The following ZDHHC1 variants were observed in gnomAD, a reference collection of about 807,000 sequenced individuals.
ZDHHC1 encodes palmitoyltransferase ZDHHC1.
Under a neutral mutation model 46.9 loss-of-function variants are expected in ZDHHC1, and 45 were observed. The ratio of observed to expected loss-of-function variants is 0.96; its 90% CI spans 0.76 to 1.23. The LOEUF (loss-of-function observed/expected upper bound fraction) is 1.23, where lower values mean the gene tolerates loss of function less well. Among genes scored for constraint, ZDHHC1 ranks in the 50% most tolerant of loss-of-function variants. The pLI, the probability that ZDHHC1 is intolerant of heterozygous loss-of-function variation, is 0.00. For missense variants in ZDHHC1, 649 were observed against 670.8 expected (o/e 0.97, Z 0.36); for synonymous variants, 291 against 286.0 (o/e 1.02, Z -0.18).
chr16:67,412,839 T>G (rs1478113079), intron 1 of ZDHHC1, among the ~76,000 whole-genome samples: 1 of 152,130 alleles, frequency 6.6e-6, no homozygotes, highest in African/African-American at 2.4e-5. Flanking sequence ...TCACTCTTGT[T>G]GCTCAGGCTG....
intron 1 of ZDHHC1, among the ~76,000 whole-genome samples, chr16:67,411,466 T>G (rs1344954685): frequency 6.6e-6 from 1 of 152,170 alleles, no homozygotes; most frequent in Non-Finnish European, 1.5e-5. Context: ...ATTTCACAGA[T>G]CCACTTCTTT....
At position 67,394,818 on chromosome 16, in the gene ZDHHC1, G is replaced by A. The variant is rs1453965128; in HGVS notation, c.1241C>T (p.Pro414Leu). The change falls in exon 12 of 12, where the codon CCT becomes CTT. Residue 414 changes from proline (P) to leucine (L), a missense_variant. Transcript: ENST00000565726. ...CGACGCCGAGTGGTAGGCGCCGGCA[G>A]GGCCAGCGGCGTGCACAGGGCTGGC... is the stretch of plus-strand genomic sequence containing the variant. ...ADASPVHAAG[P>L]AGAYHSASAE... 1.7e-5 allele frequency: 26 copies of A among 1,543,422 alleles called. No individual in the cohort carries two copies. The Middle Eastern group carries it at 7.3e-4, about 44-fold the overall frequency.
chr16:67,410,780 C>G (rs1375374361), intron 1 of ZDHHC1, among the ~76,000 whole-genome samples: 3 of 152,010 alleles, frequency 2.0e-5, no homozygotes, highest in African/African-American at 7.2e-5. Flanking sequence ...ATTCTCCTGC[C>G]TCAGCCTCCC....
intron 1 of ZDHHC1, among the ~76,000 whole-genome samples, chr16:67,412,262 T>C (rs931835046): frequency 6.6e-6 from 1 of 152,132 alleles, no homozygotes; most frequent in Non-Finnish European, 1.5e-5. Context: ...AGACAGAAAT[T>C]GCATTTCCTG....
chr16:67,395,463 A>G, intron 9 of ZDHHC1, 21 bp downstream of exon 9: 1 of 1,551,252 alleles, frequency 6.4e-7, no homozygotes, highest in South Asian at 1.2e-5. Context: ...GCCCAGTGGC[A>G]CATGCCCAGG....
At chr16:67,409,122 G>C (rs1319849608) in intron 1 of ZDHHC1, among the ~76,000 whole-genome samples, 3 of 152,104 alleles carry the variant, frequency 2.0e-5, no homozygotes, top group Non-Finnish European at 2.9e-5. Context: ...GGCACCCCCA[G>C]AGCTGCTGTA....
chr16:67,397,500 C>T (rs572514680), intron 8 of ZDHHC1, among the ~76,000 whole-genome samples: 41 of 152,298 alleles, frequency 2.7e-4, no homozygotes, highest in Middle Eastern at 3.4e-3. Flanking sequence ...GGTCCTAGGC[C>T]CTCCCCAACC....
intron 11 of ZDHHC1, 36 bp downstream of exon 11, chr16:67,394,966 T>C: frequency 6.3e-7 from 1 of 1,587,816 alleles, no homozygotes; most frequent in South Asian, 1.1e-5. Context: ...TCCCTCGAGT[T>C]CCCAGAGCAG....
intron 9 of ZDHHC1, 46 bp downstream of exon 9, chr16:67,395,438 A>T: frequency 3.2e-6 from 5 of 1,549,406 alleles, no homozygotes; most frequent in South Asian, 1.2e-5. Flanking sequence ...TGGCCCTGCC[A>T]TGCTAACTGG....
At chr16:67,398,474 T>G in intron 7 of ZDHHC1, 99 bp downstream of exon 7, 1 of 1,519,440 alleles carries the variant, frequency 6.6e-7, no homozygotes, top group Non-Finnish European at 8.8e-7. Flanking sequence ...GAGCCCATAC[T>G]AGGCAGGGGC....
chr16:67,399,373 A>G lies in ZDHHC1; in HGVS notation c.512T>C (p.Val171Ala), dbSNP rs2040501211. Residue 171 changes from valine (V) to alanine (A), a missense_variant, in exon 5 of 12, where the codon GTG (valine) becomes GCG (alanine). Transcript: ENST00000565726. ...DHHCKWLNNC[V>A]GERNYRLFLH... ...TCCTCACCGGTAGTTCCGCTCGCCC[A>G]CACAGTTGTTGAGCCACTTGCAGTG... is the stretch of plus-strand genomic sequence containing the variant. The G allele has an allele frequency of 6.2e-7, 1 of 1,612,996 alleles. No homozygotes were observed. The highest frequency in any genetic ancestry group is 1.3e-5 in the African/African-American group (1 of 74,912).
chr16:67,406,483 A>G lies in ZDHHC1; in HGVS notation c.10-41T>C. On this transcript the variant is annotated intron_variant, in intron 2 of 11. Transcript: ENST00000565726. This position sits in a 1 kb window ranked among gnomAD's most constrained non-coding sequence, Gnocchi z 4.1. ...CAGTAGAGAGAGCATTAGCCCAAGA[A>G]GCTGGGCTGGAGCCCAGGGCCTGTG... The G allele has an allele frequency of 6.8e-7, 1 of 1,463,384 alleles. No homozygotes were observed. Among genetic ancestry groups the G allele is most frequent in the African/African-American group, 1.4e-5 (1 of 70,686 alleles). 90.6% of individuals were successfully genotyped at this position (1,463,384 alleles called of 1,614,324 possible). A position where few individuals can be genotyped will look rare whatever the true frequency, so the allele number is the denominator to read the frequency against.
At chr16:67,407,967 G>A (rs911259423) in intron 1 of ZDHHC1, among the ~76,000 whole-genome samples, 154 bp from the exon 2 acceptor site, 1 of 152,070 alleles carries the variant, frequency 6.6e-6, no homozygotes, top group Non-Finnish European at 1.5e-5. Flanking sequence ...ATCTCCCTCT[G>A]CCGGCTGGCT....
intron 1 of ZDHHC1, among the ~76,000 whole-genome samples, chr16:67,410,150 G>GT (rs1165264965): frequency 6.6e-6 from 1 of 152,190 alleles, no homozygotes; most frequent in Non-Finnish European, 1.5e-5. Flanking sequence ...AGGCATGAGA[G>GT]TGACCCAATG....
At position 67,401,017 on chromosome 16, in the gene ZDHHC1, T is replaced by C. The variant is rs775473492; in HGVS notation, c.368A>G (p.Asn123Ser). The C allele has an allele frequency of 2.9e-5, 47 of 1,613,998 alleles. No homozygotes were observed. Among genetic ancestry groups the C allele is most frequent in the Middle Eastern group, 1.6e-4 (1 of 6,082 alleles). Reference sequence around the variant, plus strand: ...AATGACATGTGCGTGCTGGCTTCGGTTGAAGATGGGCAGGGGCCCCGCATA... The same window carrying C: ...AATGACATGTGCGTGCTGGCTTCGGCTGAAGATGGGCAGGGGCCCCGCATA... ...KSYAGPLPIF[N>S]RSQHAHVIED... The change falls in exon 4 of 12, where the codon AAC (asparagine) becomes AGC (serine). Residue 123 changes from asparagine (N) to serine (S), a missense_variant. Asn to Ser is a conservative substitution (Grantham distance 46). Coordinates refer to ENST00000565726, the MANE Select transcript of ZDHHC1 (RefSeq NM_001323627.2). The surrounding 1 kb of genome is among the most constrained non-coding windows in gnomAD (Gnocchi z 4.6).
chr16:67,403,475 C>G (rs566280506), intron 3 of ZDHHC1, among the ~76,000 whole-genome samples: 1 of 152,202 alleles, frequency 6.6e-6, no homozygotes, highest in South Asian at 2.1e-4. Flanking sequence ...GGGAGAGAGA[C>G]AAGGGGCTTC....
intron 1 of ZDHHC1, among the ~76,000 whole-genome samples, chr16:67,410,714 G>A (rs2040736915): frequency 6.6e-6 from 1 of 151,674 alleles, no homozygotes; most frequent in Non-Finnish European, 1.5e-5. Flanking sequence ...CGCTCAGGCT[G>A]GAGTACAGTG....
At chr16:67,395,666 G>A (rs924096051) in intron 8 of ZDHHC1, 100 bp from the exon 9 acceptor site, 5 of 1,164,634 alleles carry the variant, frequency 4.3e-6, no homozygotes, top group Non-Finnish European at 6.2e-6. Context: ...GGCCTCTGTG[G>A]GATATCTCAG....
rs2040837578 is a variant in ZDHHC1 at position 67,416,422 on chromosome 16, G to GGC, written c.-291_-290insGC. 4.8e-6 allele frequency: 1 copy of GGC among 210,428 alleles called. No individual in the cohort carries two copies. The highest frequency in any genetic ancestry group is 2.4e-5 in the African/African-American group (1 of 41,660). The allele number at this position is 210,428 out of a possible 1,614,324, so 13.0% of individuals were successfully genotyped here. Reference sequence around the variant, plus strand: ...GGCTCCGGCTCCGGCTCCGGCTCCAGCAGGCTGGAGGGGCGGCCAGGCCAG... The same window carrying GGC: ...GGCTCCGGCTCCGGCTCCGGCTCCAGGCCAGGCTGGAGGGGCGGCCAGGCCAG... On this transcript the variant is annotated 5_prime_UTR_variant, in exon 1 of 12. Coordinates refer to ENST00000565726, the MANE Select transcript of ZDHHC1 (RefSeq NM_001323627.2).
Sources: gnomAD v4.1 joint callset for allele counts (sites outside exome capture counted in the v4.1 genomes callset) on GRCh38, gnomAD v4.1.1 for gene constraint, Gnocchi (gnomAD v3.1) non-coding constraint, MANE v1.5 for transcripts, NCBI Gene and HGNC (gene_info 2026-07-23, HGNC 2026-07-21) for gene names.